AFAP1L2: variants seen among roughly 807,000 people sequenced by gnomAD.
AFAP1L2 encodes the protein actin filament-associated protein 1-like 2.
Under a neutral mutation model 99.3 loss-of-function variants are expected in AFAP1L2, and 46 were observed. That is an observed-to-expected ratio of 0.46 (90% CI 0.37 to 0.59). The LOEUF is 0.59. AFAP1L2 is among the 20% of genes least tolerant of loss of function. The pLI is 0.00. For missense variants in AFAP1L2, 959 were observed against 1,034.9 expected (o/e 0.93, Z 1.01); for synonymous variants, 397 against 419.1 (o/e 0.95, Z 0.64).
chr10:114,320,646 T>A (rs894566025), intron 5 of AFAP1L2, among the ~76,000 whole-genome samples: 1 of 152,248 alleles, frequency 6.6e-6, no homozygotes, highest in South Asian at 2.1e-4. Context: ...GTCCTTGGGA[T>A]GACCCCTAGT....
At chr10:114,336,887 A>G (rs2048056498) in intron 2 of AFAP1L2, among the ~76,000 whole-genome samples, 1 of 152,224 alleles carries the variant, frequency 6.6e-6, no homozygotes, top group African/African-American at 2.4e-5. Context: ...AAAAAGAAAC[A>G]AAGATCAGAA....
intron 11 of AFAP1L2, 99 bp downstream of exon 11, chr10:114,304,620 G>A: frequency 8.6e-7 from 1 of 1,164,232 alleles, no homozygotes; most frequent in South Asian, 1.6e-5. Context: ...CGGGGACATT[G>A]ATTCTCCCTT....
At chr10:114,284,738 T>C in the AFAP1L2 span, 6 of 838,990 alleles carry the variant, frequency 7.2e-6, no homozygotes, top group African/African-American at 8.9e-5. Context: ...CCTGGTGGAC[T>C]GTGGGGGAAG....
intron 1 of AFAP1L2, among the ~76,000 whole-genome samples, chr10:114,378,514 T>C (rs1440063161): frequency 6.6e-6 from 1 of 152,236 alleles, no homozygotes; most frequent in Non-Finnish European, 1.5e-5. Context: ...CATAAACGAA[T>C]GTCTTCTAGT....
chr10:114,389,023 G>A (rs567750255), intron 1 of AFAP1L2, among the ~76,000 whole-genome samples: 1 of 152,252 alleles, frequency 6.6e-6, no homozygotes, highest in East Asian at 1.9e-4. Context: ...CCAACCTCAG[G>A]GGTTATTTCT....
intron 1 of AFAP1L2, among the ~76,000 whole-genome samples, chr10:114,355,689 G>A (rs1218216236): frequency 6.6e-6 from 1 of 152,078 alleles, no homozygotes; most frequent in African/African-American, 2.4e-5. Flanking sequence ...ATTTCTGTCG[G>A]GTCCGGGCAC....
rs41300231 is a variant in AFAP1L2 at position 114,340,702 on chromosome 10, C to T, written c.46G>A (p.Asp16Asn). The T allele has an allele frequency of 0.011, 17,513 of 1,614,188 alleles. 151 individuals carry two copies. Among genetic ancestry groups the T allele is most frequent in the Non-Finnish European group, 0.012 (14,303 of 1,180,014 alleles). ...TCCTGGTCAAGAATCTTGAGGAAGT[C>T]ATCCAACTCTGTCAGCAGCTGTTCC... ...ALEQLLTELD[D>N]FLKILDQENL... The change falls in exon 2 of 19, where the codon GAC becomes AAC. Residue 16 changes from aspartate to asparagine, a missense_variant. Asp to Asn is a conservative substitution (Grantham distance 23, BLOSUM62 1). Around this residue, in one of 2 missense-constraint regions of AFAP1L2, gnomAD observed 383 missense variants for 472.8 expected, o/e 0.81. Coordinates refer to ENST00000304129, the MANE Select transcript of AFAP1L2 (RefSeq NM_001001936.3).
chr10:114,312,047 G>T (rs1402098106), intron 7 of AFAP1L2, among the ~76,000 whole-genome samples: 1 of 152,198 alleles, frequency 6.6e-6, no homozygotes, highest in Non-Finnish European at 1.5e-5. Flanking sequence ...TCTCTGTGGA[G>T]GCTGGACACA....
At chr10:114,329,348 T>C (rs1228601354) in intron 4 of AFAP1L2, among the ~76,000 whole-genome samples, 1 of 152,124 alleles carries the variant, frequency 6.6e-6, no homozygotes, top group Non-Finnish European at 1.5e-5. Context: ...TGTAGCCAGG[T>C]CCCAGACCCT....
At chr10:114,351,572 C>T (rs1297490361) in intron 1 of AFAP1L2, among the ~76,000 whole-genome samples, 9 of 152,106 alleles carry the variant, frequency 5.9e-5, no homozygotes, top group Non-Finnish European at 1.2e-4. Flanking sequence ...TGGAGTCAAC[C>T]GGGGGGAGGC....
intron 17 of AFAP1L2, 36 bp from the exon 18 acceptor site, chr10:114,297,136 G>A: frequency 6.2e-7 from 1 of 1,612,442 alleles, no homozygotes; most frequent in Non-Finnish European, 8.5e-7. Context: ...GCTGAGTCAA[G>A]GGGAGGGAGA....
chr10:114,405,133 T>TTGC (rs1314726599), upstream of AFAP1L2, among the ~76,000 whole-genome samples: 1 of 152,180 alleles, frequency 6.6e-6, no homozygotes, highest in Non-Finnish European at 1.5e-5. Flanking sequence ...AAACATCTGC[T>TTGC]TGCTGCTTTC....
chr10:114,350,547 C>T (rs2050311320), intron 1 of AFAP1L2, among the ~76,000 whole-genome samples: 1 of 152,174 alleles, frequency 6.6e-6, no homozygotes, highest in Admixed American at 6.5e-5. Context: ...AAACCTCCTC[C>T]TATTTAAAGG....
intron 1 of AFAP1L2, among the ~76,000 whole-genome samples, chr10:114,375,858 G>C (rs1380528708): frequency 6.6e-6 from 1 of 152,128 alleles, no homozygotes; most frequent in Admixed American, 6.5e-5. Context: ...TACACAGGAG[G>C]CTGAGGCAGA....
chr10:114,346,272 T>C (rs571457433), intron 1 of AFAP1L2, among the ~76,000 whole-genome samples: 81 of 152,290 alleles, frequency 5.3e-4, no homozygotes, highest in African/African-American at 1.9e-3. Flanking sequence ...TCAGCTCTCT[T>C]GCTGGCGTCT....
At chr10:114,335,240 G>T (rs1021148842) in intron 2 of AFAP1L2, among the ~76,000 whole-genome samples, 10 of 152,080 alleles carry the variant, frequency 6.6e-5, no homozygotes, top group Non-Finnish European at 1.5e-4. Context: ...TTATCCTACA[G>T]ATAAACTCTA....
At chr10:114,341,470 G>A (rs1321131677) in intron 1 of AFAP1L2, among the ~76,000 whole-genome samples, 1 of 151,990 alleles carries the variant, frequency 6.6e-6, no homozygotes, top group Non-Finnish European at 1.5e-5. Flanking sequence ...AAAATTAGCT[G>A]GGCATGGTGG....
chr10:114,361,402 G>A (rs527597908), intron 1 of AFAP1L2, among the ~76,000 whole-genome samples: 3 of 152,320 alleles, frequency 2.0e-5, no homozygotes, highest in African/African-American at 7.2e-5. Flanking sequence ...ACCTATCCCA[G>A]TCCAGAAATA....
At chr10:114,302,000 G>A in intron 12 of AFAP1L2, 1 of 290,272 alleles carries the variant, frequency 3.4e-6, no homozygotes. Flanking sequence ...TTTTCTCCAG[G>A]GTGTGCTGGA....
Sources: gnomAD v4.1 joint callset for allele counts (sites outside exome capture counted in the v4.1 genomes callset) on GRCh38, gnomAD v4.1.1 for gene constraint, gnomAD v4.1.1 regional missense constraint, MANE v1.5 for transcripts, NCBI Gene and HGNC (gene_info 2026-07-23, HGNC 2026-07-21) for gene names.